CLIC5: variants seen among roughly 807,000 people sequenced by gnomAD.
CLIC5 encodes CLIC family member 5.
In CLIC5, 20 loss-of-function variants were observed where a neutral mutation model predicts 24.7. That is an observed-to-expected ratio of 0.81 (90% CI 0.57 to 1.18). The LOEUF is 1.18. Ranked by LOEUF, CLIC5 falls within the 50% of genes most tolerant of loss-of-function variation. The pLI, the probability that CLIC5 is intolerant of heterozygous loss-of-function variation, is 0.00. For missense variants in CLIC5, 341 were observed against 326.1 expected (o/e 1.05, Z -0.35); for synonymous variants, 159 against 135.6 (o/e 1.17, Z -1.20).
In CLIC5 at chr6:45,886,515, C is replaced by T. The variant is rs139671142; in HGVS notation, c.624-5327G>A. 5.1e-4 allele frequency among the ~76,000 whole-genome samples: 78 copies of T among 152,182 alleles called. 2 individuals are homozygous for T. The East Asian group carries it at 0.011, about 22-fold the overall frequency. On this transcript the variant is annotated intron_variant, in intron 6 of 6. Transcript: ENST00000644324. Reference sequence around the variant, plus strand: ...TAAATTTCCTTTTATCACCAGCTCACGGGGAGTAAGTGGGTAATGTAATTA... The same window carrying T: ...TAAATTTCCTTTTATCACCAGCTCATGGGGAGTAAGTGGGTAATGTAATTA...
At chr6:45,925,390 C>T (rs767162573) in intron 4 of CLIC5, among the ~76,000 whole-genome samples, 13 of 150,814 alleles carry the variant, frequency 8.6e-5, no homozygotes, top group African/African-American at 2.7e-4. Context: ...GATCTCAGCT[C>T]ACTGCAAACT....
the CLIC5 span, among the ~76,000 whole-genome samples, chr6:46,120,304 T>C: frequency 8.7e-4 from 132 of 152,344 alleles, no homozygotes; most frequent in African/African-American, 3.0e-3. Flanking sequence ...CCTCCACTGC[T>C]GATACCCAGG....
At chr6:45,935,644 C>T (rs78216236) in intron 4 of CLIC5, among the ~76,000 whole-genome samples, 3,185 of 152,312 alleles carry the variant, frequency 0.021, 121 homozygotes, top group African/African-American at 0.073. Flanking sequence ...TTTCTCCCAT[C>T]TCAAAGATGC....
In CLIC5 at chr6:46,039,473, GATT is replaced by G. The variant is rs1767748348; in HGVS notation, c.540+40227_540+40229del. On this transcript the variant is annotated intron_variant, in intron 1 of 5. Coordinates refer to the CLIC5 transcript ENST00000185206. ...AGGTCATGGTGCAGAGACGGCATTA[GATT>G]CATTCCTCATATTATATATTATAAT... is the stretch of plus-strand genomic sequence containing the variant. Among the ~76,000 whole-genome samples the G allele has an allele frequency of 1.3e-5, 2 of 151,878 alleles. 1 individual carries two copies. Among genetic ancestry groups the G allele is most frequent in the South Asian group, 4.1e-4 (2 of 4,830 alleles).
intron 1 of CLIC5, among the ~76,000 whole-genome samples, chr6:46,028,786 A>G (rs1767415921): frequency 6.6e-6 from 1 of 152,240 alleles, no homozygotes; most frequent in Non-Finnish European, 1.5e-5. Context: ...GTTACAACTG[A>G]CAAACCTACA....
intron 1 of CLIC5, among the ~76,000 whole-genome samples, chr6:46,021,701 A>G (rs978755633): frequency 2.6e-5 from 4 of 152,240 alleles, no homozygotes; most frequent in South Asian, 4.1e-4. Context: ...TACTTACTGT[A>G]TGGTTTCATT....
intron 4 of CLIC5, among the ~76,000 whole-genome samples, chr6:45,922,463 A>G (rs1423743246): frequency 6.6e-6 from 1 of 152,220 alleles, no homozygotes; most frequent in African/African-American, 2.4e-5. Flanking sequence ...ATACAGCTCC[A>G]CAAATCACCC....
chr6:46,080,479 C>T, upstream of CLIC5: 2 of 476,210 alleles, frequency 4.2e-6, no homozygotes, highest in South Asian at 4.6e-5. Flanking sequence ...TCCTTCACTC[C>T]TAAAGATATT....
rs749655313 is a variant in CLIC5, at chr6:45,955,243, G to T, written c.65C>A (p.Ala22Asp). Residue 22 changes from alanine to aspartate, a missense_variant and splice_region_variant, in exon 2 of 6, where the codon GCT becomes GAT. Transcript: ENST00000339561. Reference sequence around the variant, plus strand: ...GCCGATGCTTTCTCCATCGATTCCAGCCTGGAAAGAAGAGAACCAGTGTCC... The same window carrying T: ...GCCGATGCTTTCTCCATCGATTCCATCCTGGAAAGAAGAGAACCAGTGTCC... The part of the protein sequence containing the change: ...RDPEIELFVK[A>D]GIDGESIGNC... 1 of 1,612,686 alleles carries T rather than the reference G, an allele frequency of 6.2e-7. No individual in the cohort carries two copies. Among genetic ancestry groups the T allele is most frequent in the Admixed American group, 1.7e-5 (1 of 59,974 alleles).
At chr6:45,945,354 T>A (rs1381808005) in intron 3 of CLIC5, among the ~76,000 whole-genome samples, 1 of 152,232 alleles carries the variant, frequency 6.6e-6, no homozygotes. Context: ...AATAGCCATG[T>A]AATTCTGTTT....
chr6:45,975,364 G>A (rs1442432603), intron 1 of CLIC5, among the ~76,000 whole-genome samples: 2 of 152,216 alleles, frequency 1.3e-5, no homozygotes, highest in Non-Finnish European at 2.9e-5. Context: ...AGGTGCCAAG[G>A]AGTAACCAGA....
intron 5 of CLIC5, among the ~76,000 whole-genome samples, chr6:45,910,852 G>A (rs1176162608): frequency 6.6e-6 from 1 of 152,256 alleles, no homozygotes. Context: ...AGGAGGAGAA[G>A]GGAGGGAGAA....
intron 1 of CLIC5, among the ~76,000 whole-genome samples, chr6:45,958,437 T>TATATATATACACACACACACACACACAC (rs1284230686): frequency 1.3e-4 from 1 of 7,770 alleles, no homozygotes; most frequent in Non-Finnish European, 4.2e-4. Flanking sequence ...TATATATATA[T>TATATATATACACACACACACACACACAC]ATATATATAT....
chr6:46,015,820 C>T lies in CLIC5; in HGVS notation c.-278G>A. On this transcript the variant is annotated 5_prime_UTR_variant, in exon 1 of 6. Transcript: ENST00000339561. ...CAACAGGTCGTGGGAGCAACAAGTG[C>T]CGGGCTGCCCGGAGGTGTCACAGGA... is the stretch of plus-strand genomic sequence containing the variant. 1 of 1,163,958 alleles carries T rather than the reference C, an allele frequency of 8.6e-7. No individual in the cohort carries two copies. The highest frequency in any genetic ancestry group is 1.6e-5 in the African/African-American group (1 of 62,992). The allele number at this position is 1,163,958 out of a possible 1,614,324, so 72.1% of individuals were successfully genotyped here.
the CLIC5 span, among the ~76,000 whole-genome samples, chr6:46,119,855 T>C: frequency 6.6e-6 from 1 of 152,110 alleles, no homozygotes; most frequent in African/African-American, 2.4e-5. Context: ...CAGTCTGAGA[T>C]GGAACTGCAA....
At chr6:45,941,697 G>T in intron 3 of CLIC5, 44 bp from the exon 4 acceptor site, 1 of 1,399,246 alleles carries the variant, frequency 7.1e-7, no homozygotes, top group Non-Finnish European at 1.0e-6. Context: ...TAGACTTGGA[G>T]CTCCTTTAAG....
chr6:45,996,639 A>C (rs1766151448), intron 1 of CLIC5, among the ~76,000 whole-genome samples: 1 of 152,206 alleles, frequency 6.6e-6, no homozygotes, highest in African/African-American at 2.4e-5. Context: ...TCTACAATGA[A>C]CTCAAACAAA....
intron 1 of CLIC5, among the ~76,000 whole-genome samples, chr6:46,041,031 T>TCAG (rs907740708): frequency 5.3e-5 from 8 of 152,120 alleles, no homozygotes; most frequent in African/African-American, 1.4e-4. Flanking sequence ...TACAAAAGCC[T>TCAG]CAGCAATAGG....
rs571970893 is a variant in CLIC5 at position 46,028,015 on chromosome 6, A to G, written c.540+51688T>C. Among the ~76,000 whole-genome samples the G allele has an allele frequency of 2.4e-3, 362 of 152,308 alleles. 3 individuals carry two copies. The highest frequency in any genetic ancestry group is 8.1e-3 in the African/African-American group (338 of 41,568). On this transcript the variant is annotated intron_variant, in intron 1 of 5. Coordinates refer to the CLIC5 transcript ENST00000185206. ...TTAAGTCCCAGGATGAATAAAGCAG[A>G]ATATAGACTCAGTCGTTTATCCCCC...
Sources: allele counts gnomAD v4.1 joint callset (sites outside exome capture counted in the v4.1 genomes callset), GRCh38; gene constraint gnomAD v4.1.1; transcripts MANE v1.5; gene names NCBI Gene and HGNC (gene_info 2026-07-23, HGNC 2026-07-21).